MARCHF3: variants seen among roughly 807,000 people sequenced by gnomAD.
MARCHF3 encodes the protein membrane associated ring-CH-type finger 3, also known as E3 ubiquitin-protein ligase MARCHF3.
In MARCHF3, 13 loss-of-function variants were observed where a neutral mutation model predicts 24.2. That is an observed-to-expected ratio of 0.54 (90% CI 0.35 to 0.85). The LOEUF is 0.85. MARCHF3 is among the 40% of genes least tolerant of loss of function. MARCHF3 has a pLI of 0.01. For synonymous variants in MARCHF3, 144 were observed against 137.3 expected (o/e 1.05, Z -0.34); for missense variants, 276 against 325.0 (o/e 0.85, Z 1.16).
intron 1 of MARCHF3, among the ~76,000 whole-genome samples, chr5:126,922,346 T>A (rs748188480): frequency 2.6e-5 from 4 of 151,968 alleles, no homozygotes; most frequent in Admixed American, 6.5e-5. Flanking sequence ...TACTAACACA[T>A]CCTGAGCCAC....
At chr5:126,890,459 C>G (rs1412144874) in intron 3 of MARCHF3, among the ~76,000 whole-genome samples, 1 of 133,374 alleles carries the variant, frequency 7.5e-6, no homozygotes, top group Non-Finnish European at 1.6e-5. Flanking sequence ...CACAACAGTC[C>G]CCAGACTGTG....
intron 1 of MARCHF3, among the ~76,000 whole-genome samples, chr5:126,996,205 G>T (rs780855891): frequency 2.0e-5 from 3 of 152,144 alleles, no homozygotes; most frequent in Non-Finnish European, 4.4e-5. Flanking sequence ...GAAAGAGCAG[G>T]AGAGGAAAGA....
At chr5:126,891,542 G>T (rs1200723962) in intron 3 of MARCHF3, among the ~76,000 whole-genome samples, 4 of 115,594 alleles carry the variant, frequency 3.5e-5, no homozygotes, top group Non-Finnish European at 6.9e-5. Context: ...TTATTAAATA[G>T]GGAATCCTTT....
intron 1 of MARCHF3, among the ~76,000 whole-genome samples, chr5:126,980,562 G>C (rs962077156): frequency 6.6e-6 from 1 of 152,024 alleles, no homozygotes; most frequent in Non-Finnish European, 1.5e-5. Context: ...GTAGAGACAG[G>C]GTTTCACCAT....
At chr5:126,884,742 C>G (rs1043902270) in intron 3 of MARCHF3, among the ~76,000 whole-genome samples, 8 of 152,336 alleles carry the variant, frequency 5.3e-5, no homozygotes, top group African/African-American at 1.4e-4. Context: ...CTCTCTGCCC[C>G]ACTACTGACA....
intron 3 of MARCHF3, among the ~76,000 whole-genome samples, chr5:126,903,305 G>A (rs1386477133): frequency 6.6e-6 from 1 of 152,000 alleles, no homozygotes; most frequent in Non-Finnish European, 1.5e-5. Context: ...GAGAGAGCAT[G>A]TCCCACCCAA....
intron 1 of MARCHF3, among the ~76,000 whole-genome samples, chr5:126,966,905 C>CTTTTT (rs779454094): frequency 2.2e-3 from 10 of 4,492 alleles, no homozygotes; most frequent in Non-Finnish European, 2.6e-3. Context: ...CTGTGAGAGC[C>CTTTTT]TTTTTTTTTT....
chr5:126,877,575 G>A, intron 4 of MARCHF3, among the ~76,000 whole-genome samples: 1 of 152,184 alleles, frequency 6.6e-6, no homozygotes, highest in Non-Finnish European at 1.5e-5. Flanking sequence ...CTCACACACA[G>A]CGAGAACACT....
chr5:126,879,813 C>T (rs886877047), intron 3 of MARCHF3, among the ~76,000 whole-genome samples: 11 of 152,104 alleles, frequency 7.2e-5, no homozygotes, highest in African/African-American at 9.7e-5. Context: ...CAAACACAGA[C>T]GATGGGGTTG....
chr5:126,944,498 G>T (rs115635177), intron 1 of MARCHF3, among the ~76,000 whole-genome samples: 3 of 152,174 alleles, frequency 2.0e-5, no homozygotes, highest in African/African-American at 7.2e-5. Context: ...CAGGGGAACT[G>T]CTTGAGCCCA....
At chr5:126,893,447 A>G (rs1753764880) in intron 3 of MARCHF3, among the ~76,000 whole-genome samples, 1 of 151,748 alleles carries the variant, frequency 6.6e-6, no homozygotes, top group Non-Finnish European at 1.5e-5. Flanking sequence ...ATTTCCCTCT[A>G]CACACTGCTT....
chr5:126,907,766 CTT>C (rs1754355341), intron 3 of MARCHF3, among the ~76,000 whole-genome samples: 1 of 148,952 alleles, frequency 6.7e-6, no homozygotes, highest in Non-Finnish European at 1.5e-5. Context: ...GGTCTTGACT[CTT>C]TATCCAATTT....
At chr5:126,996,535 G>GA (rs71867473) in intron 1 of MARCHF3, among the ~76,000 whole-genome samples, 2,190 of 140,312 alleles carry the variant, frequency 0.016, 51 homozygotes, top group African/African-American at 0.051. Flanking sequence ...TGCAAGGAAG[G>GA]AAAAAAAAAA....
intron 1 of MARCHF3, among the ~76,000 whole-genome samples, chr5:126,952,976 T>C (rs1027643272): frequency 2.6e-5 from 4 of 152,198 alleles, no homozygotes; most frequent in Admixed American, 1.3e-4. Flanking sequence ...AGTAGTGTAA[T>C]TGTACCCTGA....
In MARCHF3 at chr5:126,869,582, CTTTTTTTTTTTT is replaced by C. The variant is rs10653981; in HGVS notation, c.*1039_*1050del. 6 of 79,832 alleles carry C rather than the reference CTTTTTTTTTTTT, an allele frequency of 7.5e-5. No individual in the cohort carries two copies. Among genetic ancestry groups the C allele is most frequent in the Admixed American group, 5.5e-4 (3 of 5,408 alleles). 4.9% of individuals were successfully genotyped at this position (79,832 alleles called of 1,614,324 possible). A position where few individuals can be genotyped will look rare whatever the true frequency, so the allele number is the denominator to read the frequency against. Reference sequence around the variant, plus strand: ...ATAAGTGCAGGGCTGCTAGGACAGGCTTTTTTTTTTTTTTTTTTTTTTGCCACATCTACCTGT... The same window carrying C: ...ATAAGTGCAGGGCTGCTAGGACAGGCTTTTTTTTTTGCCACATCTACCTGT... On this transcript the variant is annotated 3_prime_UTR_variant, in exon 5 of 5. Transcript: ENST00000308660.
rs1014920028 is a variant in MARCHF3 at position 126,918,241 on chromosome 5, G to C, written c.-56-14C>G. ...CAGGATTTCCATCTAAGAGAGATCA[G>C]AAAACAGTTTACTTGGGCAGGGTGG... On this transcript the variant is annotated splice_polypyrimidine_tract_variant and intron_variant, in intron 1 of 4. Transcript: ENST00000308660. 4 of 1,482,196 alleles carry C rather than the reference G, an allele frequency of 2.7e-6. No homozygotes were observed. The highest frequency in any genetic ancestry group is 4.8e-5 in the Admixed American group (2 of 41,658). The allele number at this position is 1,482,196 out of a possible 1,614,324, so 91.8% of individuals were successfully genotyped here.
intron 1 of MARCHF3, among the ~76,000 whole-genome samples, chr5:126,973,721 G>A (rs1303476015): frequency 6.6e-6 from 1 of 152,154 alleles, no homozygotes; most frequent in African/African-American, 2.4e-5. Context: ...TAAGTTATCC[G>A]TATTAGTAAG....
intron 1 of MARCHF3, among the ~76,000 whole-genome samples, chr5:126,954,749 A>G (rs1692546068): frequency 6.6e-6 from 1 of 151,932 alleles, no homozygotes; most frequent in East Asian, 1.9e-4. Flanking sequence ...TTTTAAAAAA[A>G]GTTTACATTT....
chr5:126,913,011 A>G (rs756190508), intron 3 of MARCHF3, among the ~76,000 whole-genome samples: 1 of 152,184 alleles, frequency 6.6e-6, no homozygotes, highest in South Asian at 2.1e-4. Flanking sequence ...TCCTTGTTTA[A>G]TGACAGTTGC....
Sources: allele counts gnomAD v4.1 joint callset (sites outside exome capture counted in the v4.1 genomes callset), GRCh38; gene constraint gnomAD v4.1.1; transcripts MANE v1.5; gene names NCBI Gene and HGNC (gene_info 2026-07-23, HGNC 2026-07-21).